KCTD16: variants seen among roughly 807,000 people sequenced by gnomAD.
KCTD16 encodes the protein BTB/POZ domain-containing protein KCTD16.
A neutral mutation model predicts 33.2 loss-of-function variants in KCTD16; 13 were observed. The ratio of observed to expected loss-of-function variants is 0.39; its 90% CI spans 0.25 to 0.62. The LOEUF (loss-of-function observed/expected upper bound fraction) is 0.62. Ranked by LOEUF, KCTD16 falls within the 20% of genes least tolerant of loss-of-function variation. KCTD16 has a pLI of 0.50. For missense variants in KCTD16, 441 were observed against 525.1 expected (o/e 0.84, Z 1.57); for synonymous variants, 197 against 195.3 (o/e 1.01, Z -0.07).
chr5:144,424,945 C>G (rs1753291183), intron 3 of KCTD16, among the ~76,000 whole-genome samples: 1 of 152,072 alleles, frequency 6.6e-6, no homozygotes, highest in South Asian at 2.1e-4. Context: ...AAACTTATGT[C>G]CTCACATACA....
intron 2 of KCTD16, among the ~76,000 whole-genome samples, chr5:144,180,762 G>A (rs900657995): frequency 2.6e-5 from 4 of 152,118 alleles, no homozygotes; most frequent in Non-Finnish European, 2.9e-5. Flanking sequence ...AAAACATGGC[G>A]GCTGTAGTCT....
intron 3 of KCTD16, among the ~76,000 whole-genome samples, chr5:144,402,851 G>A (rs1224746356): frequency 6.6e-6 from 1 of 152,154 alleles, no homozygotes; most frequent in African/African-American, 2.4e-5. Context: ...CATAAATGTA[G>A]TGGCCTACAG....
chr5:144,347,789 GA>G (rs1334463090), intron 3 of KCTD16, among the ~76,000 whole-genome samples: 1 of 152,132 alleles, frequency 6.6e-6, no homozygotes, highest in Admixed American at 6.6e-5. Context: ...TCTACTTTGG[GA>G]TGGCAAACTT....
intron 3 of KCTD16, among the ~76,000 whole-genome samples, chr5:144,389,139 T>C (rs1325548139): frequency 6.6e-6 from 1 of 152,280 alleles, no homozygotes; most frequent in Non-Finnish European, 1.5e-5. Context: ...TAGATGGACA[T>C]CTCTGCTATG....
intron 3 of KCTD16, among the ~76,000 whole-genome samples, chr5:144,369,036 T>A (rs1751902420): frequency 6.6e-6 from 1 of 152,182 alleles, no homozygotes; most frequent in South Asian, 2.1e-4. Context: ...CTGGTGAGTC[T>A]CATGAACCAT....
chr5:144,406,726 A>G (rs546600051), intron 3 of KCTD16, among the ~76,000 whole-genome samples: 1 of 152,350 alleles, frequency 6.6e-6, no homozygotes, highest in Admixed American at 6.5e-5. Context: ...GTGATGGAAG[A>G]CAGAAAGTTA....
chr5:144,353,256 A>G (rs1326585539), intron 3 of KCTD16, among the ~76,000 whole-genome samples: 1 of 152,180 alleles, frequency 6.6e-6, no homozygotes. Flanking sequence ...GTTGCTGCTC[A>G]TTCTTCTGTG....
At chr5:144,473,566 C>A in intron 3 of KCTD16, 94 bp from the exon 4 acceptor site, 2 of 1,221,186 alleles carry the variant, frequency 1.6e-6, no homozygotes, top group Admixed American at 2.3e-5. Context: ...CGATGCTTCT[C>A]TTATGTGTGT....
At chr5:144,258,913 C>T (rs993465902) in intron 3 of KCTD16, among the ~76,000 whole-genome samples, 1 of 151,974 alleles carries the variant, frequency 6.6e-6, no homozygotes, top group Non-Finnish European at 1.5e-5. Flanking sequence ...TCTCAAAATC[C>T]TACTTTCTTG....
chr5:144,245,761 C>G (rs546807124), intron 3 of KCTD16, among the ~76,000 whole-genome samples: 4 of 152,282 alleles, frequency 2.6e-5, no homozygotes, highest in African/African-American at 9.6e-5. Context: ...CCCCTCCTCT[C>G]TCTTCATCCT....
At position 144,207,236 on chromosome 5, in the gene KCTD16, C is replaced by G; in HGVS notation, c.522C>G (p.Cys174Trp). Residue 174 changes from cysteine (C) to tryptophan (W), a missense_variant, in exon 3 of 4, where the codon TGC becomes TGG. By Grantham distance (215) the Cys-to-Trp change is radical. This residue lies in a region of KCTD16 where 355 missense variants were observed against 413.0 expected (regional missense o/e 0.86). Coordinates refer to ENST00000512467, the MANE Select transcript of KCTD16 (RefSeq NM_020768.4). ...TTACTGTGGGTTACAGAGGATCCTG[C>G]ACCTTGGGCAGAGAGGGACAGGCAG... ...GFITVGYRGS[C>W]TLGREGQADA... 6.2e-7 allele frequency: 1 copy of G among 1,614,124 alleles called. No homozygotes were observed. Among genetic ancestry groups the G allele is most frequent in the Non-Finnish European group, 8.5e-7 (1 of 1,180,012 alleles).
At chr5:144,217,435 T>C (rs1290214023) in intron 3 of KCTD16, among the ~76,000 whole-genome samples, 1 of 152,208 alleles carries the variant, frequency 6.6e-6, no homozygotes, top group Non-Finnish European at 1.5e-5. Flanking sequence ...CCAATAAAAG[T>C]ATATCTTAGA....
chr5:144,227,189 G>T (rs1753959896), intron 3 of KCTD16, among the ~76,000 whole-genome samples: 1 of 152,186 alleles, frequency 6.6e-6, no homozygotes, highest in South Asian at 2.1e-4. Context: ...GGAGAATGAA[G>T]CAGGCTGGGT....
chr5:144,332,014 A>G (rs1335542617), intron 3 of KCTD16, among the ~76,000 whole-genome samples: 2 of 152,208 alleles, frequency 1.3e-5, no homozygotes, highest in Admixed American at 6.5e-5. Flanking sequence ...AAGCCCATGC[A>G]TGTTAAAAAG....
chr5:144,436,014 A>C (rs1475423368), intron 3 of KCTD16, among the ~76,000 whole-genome samples: 1 of 152,172 alleles, frequency 6.6e-6, no homozygotes, highest in Non-Finnish European at 1.5e-5. Context: ...TCCCACACCA[A>C]AGGGGTAAAG....
At chr5:144,187,145 C>A (rs913769602) in intron 2 of KCTD16, among the ~76,000 whole-genome samples, 2 of 152,068 alleles carry the variant, frequency 1.3e-5, no homozygotes, top group African/African-American at 4.8e-5. Context: ...AAAGATCTGA[C>A]AAATCTCATT....
At chr5:144,243,748 TG>T (rs1407348567) in intron 3 of KCTD16, among the ~76,000 whole-genome samples, 52 of 152,208 alleles carry the variant, frequency 3.4e-4, no homozygotes, top group Non-Finnish European at 4.0e-4. Context: ...TTTTTTGTTT[TG>T]TTTTTTTTAG....
At chr5:144,191,432 TC>T (rs1250412206) in intron 2 of KCTD16, among the ~76,000 whole-genome samples, 1 of 152,074 alleles carries the variant, frequency 6.6e-6, no homozygotes, top group Admixed American at 6.5e-5. Flanking sequence ...CAACTGCTGC[TC>T]CCCTCCATAT....
chr5:144,360,565 G>T lies in KCTD16; in HGVS notation c.833-113095G>T, dbSNP rs185001750. Among the ~76,000 whole-genome samples, 483 of 152,058 alleles carry T rather than the reference G, an allele frequency of 3.2e-3. 3 individuals are homozygous for T. Among genetic ancestry groups the T allele is most frequent in the African/African-American group, 8.8e-3 (366 of 41,456 alleles). Reference sequence around the variant, plus strand: ...TTCTGCCTCAGCCTCCCAAGTAGCTGGGACTACAGGTGCACACCACCACGC... The same window carrying T: ...TTCTGCCTCAGCCTCCCAAGTAGCTTGGACTACAGGTGCACACCACCACGC... On this transcript the variant is annotated intron_variant, in intron 3 of 3. Coordinates refer to ENST00000512467, the MANE Select transcript of KCTD16 (RefSeq NM_020768.4).
Sources: allele counts gnomAD v4.1 joint callset (sites outside exome capture counted in the v4.1 genomes callset), GRCh38; gene constraint gnomAD v4.1.1; regional missense constraint gnomAD v4.1.1; transcripts MANE v1.5; gene names NCBI Gene and HGNC (gene_info 2026-07-23, HGNC 2026-07-21).